Variants in LRRC4C observed in about 807,000 individuals in gnomAD.
The protein encoded by LRRC4C is leucine-rich repeat-containing protein 4C.
Under a neutral mutation model 33.6 loss-of-function variants are expected in LRRC4C, and 5 were observed. That is an observed-to-expected ratio of 0.15 (90% CI 0.08 to 0.31). The LOEUF is 0.31. LRRC4C is among the 10% of genes least tolerant of loss of function. The probability of loss-of-function intolerance (pLI) is 1.00; values close to 1 mark genes in which losing one functional copy is unlikely to be tolerated. For missense variants in LRRC4C, 560 were observed against 796.7 expected (o/e 0.70, Z 3.58); for synonymous variants, 329 against 302.0 (o/e 1.09, Z -0.93).
chr11:41,249,128 G>A (rs1350609759), intron 1 of LRRC4C, among the ~76,000 whole-genome samples: 5 of 150,690 alleles, frequency 3.3e-5, no homozygotes, highest in East Asian at 2.0e-4. Flanking sequence ...TCCACCTCCC[G>A]GATTCATGCC....
At chr11:40,614,794 G>C (rs1262370346) in intron 3 of LRRC4C, among the ~76,000 whole-genome samples, 1 of 151,628 alleles carries the variant, frequency 6.6e-6, no homozygotes, top group Non-Finnish European at 1.5e-5. Flanking sequence ...GGAGGCCCAA[G>C]AAGGAGAAGA....
At chr11:40,776,725 ATTCAC>A (rs1315840007) in intron 2 of LRRC4C, among the ~76,000 whole-genome samples, 2 of 152,072 alleles carry the variant, frequency 1.3e-5, no homozygotes, top group East Asian at 3.9e-4. Context: ...TCTTGATACC[ATTCAC>A]TTCTGCTCTG....
At chr11:40,492,257 T>C (rs1175322503) in intron 3 of LRRC4C, among the ~76,000 whole-genome samples, 1 of 152,224 alleles carries the variant, frequency 6.6e-6, no homozygotes, top group Non-Finnish European at 1.5e-5. Context: ...AAATCTTTAA[T>C]ATTACTTGAG....
At chr11:41,015,850 A>T (rs80127846) in intron 1 of LRRC4C, among the ~76,000 whole-genome samples, 3 of 152,044 alleles carry the variant, frequency 2.0e-5, no homozygotes, top group East Asian at 1.9e-4. Context: ...GAAAAAAAAA[A>T]TTTATCCGGG....
intron 3 of LRRC4C, among the ~76,000 whole-genome samples, chr11:40,521,849 C>T (rs554386685): frequency 2.0e-4 from 30 of 151,650 alleles, no homozygotes; most frequent in Non-Finnish European, 3.7e-4. Flanking sequence ...AGCCTGGTGA[C>T]AGAGCGAGAC....
At chr11:40,695,879 C>T (rs1480259207) in intron 2 of LRRC4C, among the ~76,000 whole-genome samples, 3 of 151,988 alleles carry the variant, frequency 2.0e-5, no homozygotes, top group Non-Finnish European at 2.9e-5. Flanking sequence ...AATTTAATCA[C>T]ATCTTCATAG....
At chr11:41,143,367 G>A (rs1235828814) in intron 1 of LRRC4C, among the ~76,000 whole-genome samples, 1 of 152,142 alleles carries the variant, frequency 6.6e-6, no homozygotes. Context: ...TAGTGTTAGT[G>A]TGACTTTAAA....
chr11:40,725,457 A>G (rs2136719877), intron 2 of LRRC4C, among the ~76,000 whole-genome samples: 1 of 151,976 alleles, frequency 6.6e-6, no homozygotes, highest in Middle Eastern at 3.4e-3. Flanking sequence ...GCAGTGAGGC[A>G]GTGAGCCGAG....
chr11:40,633,381 T>C (rs7101769), intron 3 of LRRC4C, among the ~76,000 whole-genome samples: 1,013 of 67,456 alleles, frequency 0.015, 16 homozygotes, highest in African/African-American at 0.03. Flanking sequence ...TTCTCTCTCT[T>C]TCTTTCTTTC....
intron 1 of LRRC4C, among the ~76,000 whole-genome samples, chr11:41,318,555 C>A (rs1166796570): frequency 6.6e-6 from 1 of 152,192 alleles, no homozygotes; most frequent in Non-Finnish European, 1.5e-5. Flanking sequence ...CTCTGCTCCA[C>A]TATCTACTTT....
At chr11:40,448,664 G>A (rs1191472357) in intron 3 of LRRC4C, among the ~76,000 whole-genome samples, 2 of 152,116 alleles carry the variant, frequency 1.3e-5, no homozygotes, top group Non-Finnish European at 2.9e-5. Flanking sequence ...GGGCATTTGG[G>A]TTGGTTCCAG....
At chr11:40,706,953 A>G (rs1215725023) in intron 2 of LRRC4C, among the ~76,000 whole-genome samples, 2 of 151,934 alleles carry the variant, frequency 1.3e-5, no homozygotes, top group Non-Finnish European at 2.9e-5. Flanking sequence ...ATTCCTAGGT[A>G]TTTTATTCTC....
In LRRC4C at chr11:40,206,292, G is replaced by A. The variant is rs770448568; in HGVS notation, c.-96+35227C>T. 3.4e-4 allele frequency among the ~76,000 whole-genome samples: 51 copies of A among 152,218 alleles called. 1 individual carries two copies. The highest frequency in any genetic ancestry group is 2.1e-3 in the South Asian group (10 of 4,824). On this transcript the variant is annotated intron_variant, in intron 5 of 6. Transcript: ENST00000528697. ...CTCTTGTCGCCCAGGCTGGAGTGCA[G>A]TAGGGCAATCTCGGCTCACTGCAAC...
At chr11:40,850,642 C>G (rs904091436) in intron 2 of LRRC4C, among the ~76,000 whole-genome samples, 1 of 152,216 alleles carries the variant, frequency 6.6e-6, no homozygotes, top group Non-Finnish European at 1.5e-5. Context: ...TGTCCCTTAG[C>G]AGACCTGGAG....
intron 5 of LRRC4C, among the ~76,000 whole-genome samples, chr11:40,238,876 C>A (rs1156474494): frequency 6.6e-6 from 1 of 152,054 alleles, no homozygotes; most frequent in Non-Finnish European, 1.5e-5. Flanking sequence ...GAGAACTAGG[C>A]CCAGTAGAAA....
intron 1 of LRRC4C, among the ~76,000 whole-genome samples, chr11:41,147,404 A>G (rs1943775898): frequency 6.6e-6 from 1 of 152,242 alleles, no homozygotes; most frequent in Non-Finnish European, 1.5e-5. Context: ...CTGTATAATA[A>G]ACCTGCACAT....
intron 3 of LRRC4C, among the ~76,000 whole-genome samples, chr11:40,431,293 G>T (rs1950922632): frequency 6.6e-6 from 1 of 151,444 alleles, no homozygotes; most frequent in African/African-American, 2.4e-5. Context: ...CAGGCGTGGT[G>T]GTGCGTGCCT....
intron 6 of LRRC4C, among the ~76,000 whole-genome samples, chr11:40,118,993 G>T (rs943173798): frequency 1.3e-5 from 2 of 152,124 alleles, no homozygotes; most frequent in Non-Finnish European, 2.9e-5. Flanking sequence ...GCCAGAGAGC[G>T]ATCCAGTTTC....
chr11:40,145,895 G>GGAAAT (rs2135042151), intron 5 of LRRC4C, among the ~76,000 whole-genome samples: 1 of 152,198 alleles, frequency 6.6e-6, no homozygotes, highest in African/African-American at 2.4e-5. Context: ...GCATATACCA[G>GGAAAT]GAAATGAATT....
Sources: gnomAD v4.1 joint callset for allele counts (sites outside exome capture counted in the v4.1 genomes callset) on GRCh38, gnomAD v4.1.1 for gene constraint, MANE v1.5 for transcripts, NCBI Gene and HGNC (gene_info 2026-07-23, HGNC 2026-07-21) for gene names.